ZNF593OS: variants seen among roughly 807,000 people sequenced by gnomAD.
ZNF593OS encodes ZNF593 opposite strand.
At position 26,171,293 on chromosome 1, in the gene ZNF593OS, G is replaced by A; in HGVS notation, c.88C>T (p.Leu30=). 2.5e-6 allele frequency: 1 copy of A among 401,936 alleles called. No individual in the cohort carries two copies. Among genetic ancestry groups the A allele is most frequent in the Non-Finnish European group, 4.4e-6 (1 of 228,188 alleles). The allele number at this position is 401,936 out of a possible 1,614,324, so 24.9% of individuals were successfully genotyped here. ...AGCACTGTAGCCACAACTCCTGCCA[G>A]CAGACTCCGGGGCTCTGCCTTCAGC... The change falls in exon 2 of 2, where the codon CTG becomes TTG. Residue 30 remains leucine (L), a synonymous_variant. Transcript: ENST00000648649. This position sits in a 1 kb window ranked among gnomAD's most constrained non-coding sequence, Gnocchi z 5.5.
At chr1:26,170,048 A>AGCG (rs2088469941), downstream of ZNF593OS, 2 of 1,573,842 alleles carry the variant, frequency 1.3e-6, no homozygotes, top group Admixed American at 3.7e-5. Flanking sequence ...ATGAAGGCGA[A>AGCG]GCGGCGGCGG....
chr1:26,170,630 G>A (rs961621701), exon 2 of ZNF593OS: 6 of 1,613,224 alleles, frequency 3.7e-6, no homozygotes, highest in Middle Eastern at 1.6e-4. Flanking sequence ...GAGGGCAGCG[G>A]GTATGGGATC....
chr1:26,169,857 G>C, downstream of ZNF593OS: 3 of 1,043,146 alleles, frequency 2.9e-6, no homozygotes, highest in Admixed American at 6.8e-5. Context: ...GACGTCATCA[G>C]AGGCGGTCCG....
chr1:26,171,609 G>A lies in ZNF593OS; in HGVS notation c.45+8C>T. On this transcript the variant is annotated splice_region_variant and intron_variant, in intron 1 of 1. Coordinates refer to ENST00000648649, the Ensembl canonical transcript of ZNF593OS. The surrounding 1 kb of genome is among the most constrained non-coding windows in gnomAD (Gnocchi z 5.5). ...TCGTGCCAGAAACCGTTGATCAGGG[G>A]TACTTACCTGTAACACCCGGAAGTA... 2.5e-6 allele frequency: 1 copy of A among 398,606 alleles called. No homozygotes were observed. The highest frequency in any genetic ancestry group is 6.3e-4 in the Middle Eastern group (1 of 1,588). 24.7% of individuals were successfully genotyped at this position (398,606 alleles called of 1,614,324 possible).
At position 26,171,145 on chromosome 1, in the gene ZNF593OS, G is replaced by A. The variant is rs7555877; in HGVS notation, c.*44C>T. ...GCTTCTGAGATTGCACCCCCCTCCCGAGTCACCTACCCCCAGCATCCAAGT... is the reference window on the plus strand; with the variant it reads ...GCTTCTGAGATTGCACCCCCCTCCCAAGTCACCTACCCCCAGCATCCAAGT... On this transcript the variant is annotated 3_prime_UTR_variant, in exon 2 of 2. Coordinates refer to ENST00000648649, the Ensembl canonical transcript of ZNF593OS. The surrounding 1 kb of genome is among the most constrained non-coding windows in gnomAD (Gnocchi z 5.5). 112,608 of 408,656 alleles carry A rather than the reference G, an allele frequency of 0.28. 20,261 individuals carry two copies. The highest frequency in any genetic ancestry group is 0.7 in the East Asian group (19,791 of 28,476). The allele number at this position is 408,656 out of a possible 1,614,324, so 25.3% of individuals were successfully genotyped here.
downstream of ZNF593OS, chr1:26,170,389 C>T: frequency 6.2e-7 from 1 of 1,603,936 alleles, no homozygotes; most frequent in Non-Finnish European, 8.5e-7. Flanking sequence ...ATCACCTCCT[C>T]ACTCTCCTTC....
downstream of ZNF593OS, chr1:26,170,371 G>C: frequency 4.4e-6 from 7 of 1,580,070 alleles, no homozygotes; most frequent in Non-Finnish European, 5.2e-6. Context: ...AGGTGCACTT[G>C]GGAGACTATC....
At chr1:26,170,188 G>T, downstream of ZNF593OS, 1 of 1,573,400 alleles carries the variant, frequency 6.4e-7, no homozygotes. Flanking sequence ...CTGCGCGTGA[G>T]TCCCGGACGA....
exon 2 of ZNF593OS, chr1:26,170,842 C>CTG (rs2088489112): frequency 8.0e-7 from 1 of 1,256,580 alleles, no homozygotes; most frequent in Non-Finnish European, 1.1e-6. Flanking sequence ...TCTTGGTGCC[C>CTG]TGCCCCAAAT....
downstream of ZNF593OS, chr1:26,169,718 A>ACCCCGCGCCT: frequency 4.1e-6 from 2 of 491,180 alleles, no homozygotes; most frequent in Non-Finnish European, 7.1e-6. Flanking sequence ...CGCACGCACC[A>ACCCCGCGCCT]CCCCGCGCCT....
chr1:26,171,735 C>G lies in ZNF593OS; in HGVS notation c.-74G>C. The stretch of plus-strand genomic sequence containing the variant: ...TGAAGACCAGTGGTCTTCATGACAC[C>G]AAGAAGTGGAAACTAGGGTAGAGGG... On this transcript the variant is annotated 5_prime_UTR_variant, in exon 1 of 2. Transcript: ENST00000648649. The surrounding 1 kb of genome is among the most constrained non-coding windows in gnomAD (Gnocchi z 5.5). 2.5e-6 allele frequency: 1 copy of G among 398,484 alleles called. No individual in the cohort carries two copies. Among genetic ancestry groups the G allele is most frequent in the Non-Finnish European group, 4.4e-6 (1 of 226,006 alleles). The allele number at this position is 398,484 out of a possible 1,614,324, so 24.7% of individuals were successfully genotyped here.
At position 26,170,607 on chromosome 1, in the gene ZNF593OS, A is replaced by G; in HGVS notation, c.*582T>C. On this transcript the variant is annotated 3_prime_UTR_variant, in exon 2 of 2. Transcript: ENST00000648649. ...CAGCTGAGCGTCGAGCCCTACAGTC[A>G]GGAAGAGGCGGAGAGGGCAGCGGGT... 3 of 1,613,726 alleles carry G rather than the reference A, an allele frequency of 1.9e-6. No homozygotes were observed. Among genetic ancestry groups the G allele is most frequent in the Middle Eastern group, 3.3e-4 (2 of 6,062 alleles).
exon 2 of ZNF593OS, chr1:26,170,650 C>A (rs1237057560): frequency 6.2e-7 from 1 of 1,612,492 alleles, no homozygotes; most frequent in Non-Finnish European, 8.5e-7. Context: ...CCTATGTGCC[C>A]CCCAGGCGGC....
At chr1:26,170,299 G>T, downstream of ZNF593OS, 1 of 1,519,386 alleles carries the variant, frequency 6.6e-7, no homozygotes, top group Admixed American at 1.9e-5. Context: ...CCGTGGGTCC[G>T]CCCGCCTCCC....
At chr1:26,170,530 G>A in exon 2 of ZNF593OS, 1 of 1,614,094 alleles carries the variant, frequency 6.2e-7, no homozygotes, top group Non-Finnish European at 8.5e-7. Flanking sequence ...AGCAGATAGG[G>A]CTCTCACCTG....
chr1:26,170,916 TGCCCTGGAAGG>T (rs1310431052), exon 2 of ZNF593OS: 4 of 684,130 alleles, frequency 5.8e-6, no homozygotes, highest in Non-Finnish European at 9.6e-6. Context: ...CTCAAACTCC[TGCCCTGGAAGG>T]GCTTCTCTAC....
chr1:26,170,585 C>A lies in ZNF593OS; in HGVS notation c.*604G>T, dbSNP rs2088480746. ...TTTTCTTTCTCCCAGGCTGAAGCAG[C>A]TGAGCGTCGAGCCCTACAGTCAGGA... On this transcript the variant is annotated 3_prime_UTR_variant, in exon 2 of 2. Coordinates refer to ENST00000648649, the Ensembl canonical transcript of ZNF593OS. The A allele has an allele frequency of 2.5e-6, 4 of 1,613,850 alleles. No individual in the cohort carries two copies. The South Asian group carries it at 4.4e-5, about 18-fold the overall frequency.
exon 2 of ZNF593OS, chr1:26,170,522 C>T (rs1414537040): frequency 6.2e-7 from 1 of 1,614,040 alleles, no homozygotes; most frequent in Admixed American, 1.7e-5. Flanking sequence ...GGGTGCTCAG[C>T]AGATAGGGCT....
At chr1:26,170,250 T>C (rs2124497539), downstream of ZNF593OS, 3 of 1,576,810 alleles carry the variant, frequency 1.9e-6, no homozygotes, top group South Asian at 1.1e-5. Context: ...AGATGTGAAG[T>C]TGAAGCCCCA....
Sources: allele counts gnomAD v4.1 joint callset, GRCh38; gene constraint gnomAD v4.1.1; non-coding constraint Gnocchi (gnomAD v3.1); transcripts MANE v1.5; gene names NCBI Gene and HGNC (gene_info 2026-07-23, HGNC 2026-07-21).